BMPR1B: variants seen among roughly 807,000 people sequenced by gnomAD.
BMPR1B encodes the protein bone morphogenetic protein receptor type-1B.
In BMPR1B, 12 loss-of-function variants were observed where a neutral mutation model predicts 59.1. The ratio of observed to expected loss-of-function variants is 0.20; its 90% CI spans 0.13 to 0.33. The LOEUF (loss-of-function observed/expected upper bound fraction) is 0.33, where lower values mean the gene tolerates loss of function less well. Among genes scored for constraint, BMPR1B ranks in the 10% least tolerant of loss-of-function variants. The pLI, the probability that BMPR1B is intolerant of heterozygous loss-of-function variation, is 1.00. For missense variants in BMPR1B, 550 were observed against 610.9 expected (o/e 0.90, Z 1.05); for synonymous variants, 237 against 207.3 (o/e 1.14, Z -1.23).
At chr4:95,008,628 T>C (rs751869721) in intron 3 of BMPR1B, among the ~76,000 whole-genome samples, 96 of 152,042 alleles carry the variant, frequency 6.3e-4, no homozygotes, top group Non-Finnish European at 1.1e-3. Context: ...AGACCAGAAA[T>C]AGAGCAAATA....
intron 1 of BMPR1B, among the ~76,000 whole-genome samples, chr4:94,845,718 C>G (rs969535922): frequency 2.0e-5 from 3 of 152,150 alleles, no homozygotes; most frequent in Non-Finnish European, 4.4e-5. Context: ...CAGTCACAAG[C>G]TAAAGTTTTT....
At chr4:95,069,096 A>G (rs192374892) in intron 3 of BMPR1B, among the ~76,000 whole-genome samples, 6 of 152,322 alleles carry the variant, frequency 3.9e-5, no homozygotes, top group Admixed American at 3.3e-4. Flanking sequence ...TGTTTTGCTT[A>G]AAGTTGCAAT....
At chr4:95,063,333 A>G (rs1231100551) in intron 3 of BMPR1B, among the ~76,000 whole-genome samples, 2 of 152,192 alleles carry the variant, frequency 1.3e-5, no homozygotes, top group Admixed American at 1.3e-4. Context: ...AGGACAAGTT[A>G]AGGATAGTTG....
intron 1 of BMPR1B, among the ~76,000 whole-genome samples, chr4:94,830,866 C>T (rs1365427328): frequency 6.6e-6 from 1 of 152,076 alleles, no homozygotes; most frequent in Non-Finnish European, 1.5e-5. Flanking sequence ...CCTGTGCTGC[C>T]AATCATACAA....
At chr4:94,819,687 C>T (rs4077885) in intron 1 of BMPR1B, among the ~76,000 whole-genome samples, 61,021 of 152,014 alleles carry the variant, frequency 0.4, 12,808 homozygotes, top group African/African-American at 0.53. Flanking sequence ...TGTGACCTTG[C>T]ACTCTAATCT....
intron 1 of BMPR1B, among the ~76,000 whole-genome samples, chr4:94,815,245 T>C (rs1723967029): frequency 6.6e-6 from 1 of 152,116 alleles, no homozygotes. Flanking sequence ...ACTTGCACAT[T>C]GTGTGTCTTT....
At position 94,788,952 on chromosome 4, in the gene BMPR1B, A is replaced by G. The variant is rs558655941; in HGVS notation, c.-183+30884A>G. Among the ~76,000 whole-genome samples, 4 of 152,184 alleles carry G rather than the reference A, an allele frequency of 2.6e-5. No homozygotes were observed. In the East Asian group the frequency reaches 7.7e-4, roughly 29 times the overall value. On this transcript the variant is annotated intron_variant, in intron 1 of 12. Coordinates refer to ENST00000515059, the MANE Select transcript of BMPR1B (RefSeq NM_001203.3). ...CATCACCTCACCTTCTATCACATCT[A>G]TCCCAGCCTCCCCTGAGGTGATGAA...
chr4:95,093,916 G>T (rs1425834591), intron 3 of BMPR1B, among the ~76,000 whole-genome samples: 1 of 151,970 alleles, frequency 6.6e-6, no homozygotes, highest in Non-Finnish European at 1.5e-5. Flanking sequence ...CAATATCCCT[G>T]GTTTTGGTGG....
intron 3 of BMPR1B, among the ~76,000 whole-genome samples, chr4:95,065,970 T>A (rs561981335): frequency 4.5e-4 from 69 of 152,326 alleles, no homozygotes; most frequent in Non-Finnish European, 8.4e-4. Context: ...TTACTTTTCT[T>A]TTGCTAAAAA....
chr4:95,126,790 A>G (rs1732937219), intron 8 of BMPR1B, among the ~76,000 whole-genome samples: 1 of 152,218 alleles, frequency 6.6e-6, no homozygotes, highest in African/African-American at 2.4e-5. Flanking sequence ...AAGATAAACA[A>G]TGCAGAGGTA....
chr4:94,948,102 T>C (rs1393988341), intron 2 of BMPR1B, among the ~76,000 whole-genome samples: 3 of 152,218 alleles, frequency 2.0e-5, no homozygotes, highest in African/African-American at 7.2e-5. Context: ...AGACAAGATA[T>C]TCACTCAGGA....
intron 2 of BMPR1B, among the ~76,000 whole-genome samples, chr4:94,879,341 G>A (rs752769921): frequency 6.6e-6 from 1 of 152,210 alleles, no homozygotes; most frequent in Non-Finnish European, 1.5e-5. Flanking sequence ...TTATTTGAGT[G>A]TTTACATTTG....
intron 6 of BMPR1B, among the ~76,000 whole-genome samples, chr4:95,117,628 A>T (rs956090877): frequency 1.1e-4 from 16 of 151,992 alleles, no homozygotes; most frequent in African/African-American, 3.9e-4. Flanking sequence ...AAAAAAAAAA[A>T]AATTTTAATG....
At chr4:95,019,103 C>A (rs1489786582) in intron 3 of BMPR1B, among the ~76,000 whole-genome samples, 1 of 152,048 alleles carries the variant, frequency 6.6e-6, no homozygotes, top group Non-Finnish European at 1.5e-5. Context: ...GCATACAAAG[C>A]CACTTGTTTT....
intron 2 of BMPR1B, among the ~76,000 whole-genome samples, chr4:94,882,741 CCTT>C (rs1412618833): frequency 9.9e-5 from 15 of 152,130 alleles, no homozygotes; most frequent in African/African-American, 3.4e-4. Context: ...CTTCAGATCT[CCTT>C]CTGCACCATG....
intron 4 of BMPR1B, among the ~76,000 whole-genome samples, chr4:95,104,848 C>T (rs969642087): frequency 1.3e-5 from 2 of 152,036 alleles, no homozygotes; most frequent in Non-Finnish European, 2.9e-5. Flanking sequence ...CAATTATTTT[C>T]TTTCAAAAGA....
At chr4:95,036,740 T>C (rs1158688555) in intron 3 of BMPR1B, among the ~76,000 whole-genome samples, 1 of 143,606 alleles carries the variant, frequency 7.0e-6, no homozygotes, top group Admixed American at 7.2e-5. Flanking sequence ...TACCTAGTAG[T>C]GAGATTGTTG....
intron 2 of BMPR1B, among the ~76,000 whole-genome samples, chr4:94,938,852 A>AT (rs1729411032): frequency 6.6e-6 from 1 of 151,894 alleles, no homozygotes; most frequent in Admixed American, 6.6e-5. Flanking sequence ...CAATTTATTT[A>AT]TTTTTTTAAT....
intron 1 of BMPR1B, among the ~76,000 whole-genome samples, chr4:94,837,609 G>A (rs1166530226): frequency 4.3e-5 from 6 of 140,906 alleles, no homozygotes; most frequent in African/African-American, 1.1e-4. Context: ...CATTGATTTT[G>A]TATCCTGAGA....
Sources: gnomAD v4.1 joint callset for allele counts (sites outside exome capture counted in the v4.1 genomes callset) on GRCh38, gnomAD v4.1.1 for gene constraint, MANE v1.5 for transcripts, NCBI Gene and HGNC (gene_info 2026-07-23, HGNC 2026-07-21) for gene names.